The following GABRA2 variants were observed in gnomAD, a reference collection of about 807,000 sequenced individuals.
GABRA2 encodes gamma-aminobutyric acid receptor subunit alpha-2.
In GABRA2, 16 loss-of-function variants were observed where a neutral mutation model predicts 48.7. That is an observed-to-expected ratio of 0.33 (90% CI 0.22 to 0.50). GABRA2 has a LOEUF of 0.50. Among genes scored for constraint, GABRA2 ranks in the 20% least tolerant of loss-of-function variants. The pLI is 0.98. For missense variants in GABRA2, 275 were observed against 535.6 expected (o/e 0.51, Z 4.80); for synonymous variants, 185 against 184.5 (o/e 1.00, Z -0.02).
intron 8 of GABRA2, among the ~76,000 whole-genome samples, chr4:46,296,284 A>T (rs983651471): frequency 6.6e-6 from 1 of 152,156 alleles, no homozygotes; most frequent in Admixed American, 6.5e-5. Flanking sequence ...TGTTCCCGTG[A>T]CATTATGTTC....
intron 9 of GABRA2, among the ~76,000 whole-genome samples, chr4:46,255,205 C>A (rs1715565856): frequency 6.6e-6 from 1 of 151,526 alleles, no homozygotes; most frequent in Non-Finnish European, 1.5e-5. Context: ...GGCTCAGAAA[C>A]GTTTGCTTAA....
At chr4:46,302,171 C>T (rs766050656) in intron 8 of GABRA2, among the ~76,000 whole-genome samples, 11 of 151,736 alleles carry the variant, frequency 7.2e-5, no homozygotes, top group Non-Finnish European at 8.8e-5. Flanking sequence ...CACGTTCAAG[C>T]GATCCTCCTG....
At chr4:46,377,429 G>A (rs996650977) in intron 3 of GABRA2, among the ~76,000 whole-genome samples, 4 of 147,334 alleles carry the variant, frequency 2.7e-5, no homozygotes, top group African/African-American at 5.0e-5. Context: ...CAGCCGCCCC[G>A]TCTGAGAAGT....
intron 4 of GABRA2, among the ~76,000 whole-genome samples, chr4:46,330,591 T>TATATATAGAGAGAGAGAGAGAG (rs1411755120): frequency 9.0e-5 from 11 of 122,692 alleles, no homozygotes; most frequent in East Asian, 3.1e-4. Context: ...TATATATATA[T>TATATATAGAGAGAGAGAGAGAG]AGAGAGAGAG....
At position 46,244,515 on chromosome 4, in the gene GABRA2, G is replaced by A. The variant is rs932766560; in HGVS notation, c.*5793C>T. On this transcript the variant is annotated 3_prime_UTR_variant, in exon 10 of 10. Coordinates refer to ENST00000381620, the MANE Select transcript of GABRA2 (RefSeq NM_000807.4). The stretch of plus-strand genomic sequence containing the variant: ...CTAATTCAGCAATTGCAATCCCACC[G>A]GTGGCATCCCTTGGGATCAATTCAG... Among the ~76,000 whole-genome samples, 5 of 151,428 alleles carry A rather than the reference G, an allele frequency of 3.3e-5. No individual in the cohort carries two copies. Among genetic ancestry groups the A allele is most frequent in the African/African-American group, 7.3e-5 (3 of 41,340 alleles).
chr4:46,349,532 T>A (rs1734762038), intron 3 of GABRA2, among the ~76,000 whole-genome samples: 1 of 151,984 alleles, frequency 6.6e-6, no homozygotes, highest in Admixed American at 6.6e-5. Context: ...CTAAAAAACA[T>A]AGGTTTTAAG....
chr4:46,280,144 G>T (rs918446361), intron 8 of GABRA2, among the ~76,000 whole-genome samples: 4 of 152,014 alleles, frequency 2.6e-5, no homozygotes, highest in Non-Finnish European at 5.9e-5. Context: ...TTTATATAAT[G>T]TTGGAAGATG....
At chr4:46,360,693 T>C (rs913635746) in intron 3 of GABRA2, among the ~76,000 whole-genome samples, 3 of 152,196 alleles carry the variant, frequency 2.0e-5, no homozygotes, top group African/African-American at 7.2e-5. Context: ...AGGCAGAGGC[T>C]GGAAGAGTTT....
At chr4:46,255,649 A>G (rs943666935) in intron 9 of GABRA2, among the ~76,000 whole-genome samples, 13 of 151,646 alleles carry the variant, frequency 8.6e-5, no homozygotes, top group Non-Finnish European at 1.8e-4. Context: ...ACCCACACAA[A>G]TTGATTTTCC....
In GABRA2 at chr4:46,248,765, T is replaced by A. The variant is rs1714172444; in HGVS notation, c.*1543A>T. The stretch of plus-strand genomic sequence containing the variant: ...ACAAAACTGCAATAAATGTTACTAT[T>A]TGACTACTTATGTTTCTACAAAAAC... On this transcript the variant is annotated 3_prime_UTR_variant, in exon 10 of 10. Coordinates refer to ENST00000381620, the MANE Select transcript of GABRA2 (RefSeq NM_000807.4). 5 of 151,628 alleles carry A rather than the reference T, an allele frequency of 3.3e-5. No homozygotes were observed. In the South Asian group the frequency reaches 1.0e-3, roughly 31 times the overall value. 9.4% of individuals were successfully genotyped at this position (151,628 alleles called of 1,614,324 possible).
intron 5 of GABRA2, among the ~76,000 whole-genome samples, 191 bp from the exon 6 acceptor site, chr4:46,310,446 A>G (rs1357472263): frequency 2.0e-5 from 3 of 152,196 alleles, no homozygotes; most frequent in African/African-American, 7.2e-5. Flanking sequence ...ACAAATTCTC[A>G]GTATAACTGA....
In GABRA2 at chr4:46,262,133, A is replaced by C. The variant is rs1270194272; in HGVS notation, c.857-5T>G. ...TTGTTAGGACAGTTGTTACTCCTGC[A>C]AAAGAAAAGATAGGAATCGAAAACA... On this transcript the variant is annotated splice_polypyrimidine_tract_variant and splice_region_variant and intron_variant, in intron 8 of 9. Coordinates refer to ENST00000381620, the MANE Select transcript of GABRA2 (RefSeq NM_000807.4). 6.2e-7 allele frequency: 1 copy of C among 1,613,042 alleles called. No individual in the cohort carries two copies. Among genetic ancestry groups the C allele is most frequent in the Non-Finnish European group, 8.5e-7 (1 of 1,179,292 alleles).
chr4:46,310,569 T>C (rs1319122523), intron 5 of GABRA2, among the ~76,000 whole-genome samples: 2 of 152,052 alleles, frequency 1.3e-5, no homozygotes, highest in Non-Finnish European at 2.9e-5. Flanking sequence ...ACACTTGAAA[T>C]CTTAAGGGCC....
intron 8 of GABRA2, among the ~76,000 whole-genome samples, chr4:46,277,794 G>A (rs767280190): frequency 2.0e-5 from 3 of 152,152 alleles, no homozygotes; most frequent in Non-Finnish European, 4.4e-5. Flanking sequence ...TAGAGAGCAC[G>A]TCTAAAGGCA....
intron 6 of GABRA2, among the ~76,000 whole-genome samples, chr4:46,308,931 C>A (rs867652373): frequency 6.6e-6 from 1 of 151,696 alleles, no homozygotes; most frequent in Middle Eastern, 3.4e-3. Context: ...TCTTTGGTAT[C>A]AAGGCTTTTC....
intron 3 of GABRA2, among the ~76,000 whole-genome samples, chr4:46,372,855 A>C (rs1386437470): frequency 6.6e-6 from 1 of 152,222 alleles, no homozygotes; most frequent in African/African-American, 2.4e-5. Context: ...AAAATTACAG[A>C]GATAACAGGC....
chr4:46,347,758 TA>T (rs1002185451), intron 3 of GABRA2, among the ~76,000 whole-genome samples: 9 of 151,776 alleles, frequency 5.9e-5, no homozygotes, highest in Non-Finnish European at 1.0e-4. Context: ...TGTATCAGAC[TA>T]AAAAACTTTT....
Position 46,263,069 on chromosome 4 carries a change from A to G in GABRA2, c.857-941T>C, listed in dbSNP as rs143557070. ...AAAGAATAGAATATAAGACAAATACACACGTACATATATACATATACATAT... is the reference window on the plus strand; with the variant it reads ...AAAGAATAGAATATAAGACAAATACGCACGTACATATATACATATACATAT... On this transcript the variant is annotated intron_variant, in intron 8 of 9. Coordinates refer to ENST00000381620, the MANE Select transcript of GABRA2 (RefSeq NM_000807.4). Among the ~76,000 whole-genome samples, 416 of 152,050 alleles carry G rather than the reference A, an allele frequency of 2.7e-3. 6 individuals are homozygous for G. Among genetic ancestry groups the G allele is most frequent in the African/African-American group, 9.7e-3 (402 of 41,484 alleles).
At chr4:46,336,437 C>G (rs1358580614) in intron 3 of GABRA2, among the ~76,000 whole-genome samples, 1 of 152,134 alleles carries the variant, frequency 6.6e-6, no homozygotes, top group Non-Finnish European at 1.5e-5. Flanking sequence ...AACAGTTAAG[C>G]AGCTCCTAGC....
Sources: gnomAD v4.1 joint callset for allele counts (sites outside exome capture counted in the v4.1 genomes callset) on GRCh38, gnomAD v4.1.1 for gene constraint, MANE v1.5 for transcripts, NCBI Gene and HGNC (gene_info 2026-07-23, HGNC 2026-07-21) for gene names.